The following CSMD1 variants were observed in gnomAD, a reference collection of about 807,000 sequenced individuals.
The protein encoded by CSMD1 is CUB and sushi domain-containing protein 1.
A neutral mutation model predicts 417.5 loss-of-function variants in CSMD1; 213 were observed. That is an observed-to-expected ratio of 0.51 (90% CI 0.46 to 0.57). The LOEUF (loss-of-function observed/expected upper bound fraction) is 0.57, where lower values mean the gene tolerates loss of function less well. Ranked by LOEUF, CSMD1 falls within the 20% of genes least tolerant of loss-of-function variation. The pLI is 0.00. For missense variants in CSMD1, 6,923 were observed against 4,529.7 expected (o/e 1.53, Z -15.17); for synonymous variants, 2,862 against 1,736.8 (o/e 1.65, Z -16.11).
chr8:3,649,274 A>T (rs1439490687), intron 7 of CSMD1, among the ~76,000 whole-genome samples: 1 of 152,246 alleles, frequency 6.6e-6, no homozygotes, highest in Non-Finnish European at 1.5e-5. Context: ...ACTTAATATT[A>T]CTATGTGAGA....
intron 25 of CSMD1, among the ~76,000 whole-genome samples, chr8:3,297,763 C>CA (rs1804079770): frequency 1.3e-5 from 2 of 151,928 alleles, no homozygotes; most frequent in South Asian, 4.1e-4. Context: ...AATCTGGACA[C>CA]AAAATCACTA....
intron 23 of CSMD1, among the ~76,000 whole-genome samples, chr8:3,337,053 G>C (rs571698500): frequency 6.6e-6 from 1 of 152,060 alleles, no homozygotes. Context: ...GCTGGAGCTG[G>C]GGTTGGCCAG....
rs764637287 is a variant in CSMD1 at position 3,288,283 on chromosome 8, G to A, written c.3951-3937C>T. On this transcript the variant is annotated intron_variant, in intron 25 of 69. Coordinates refer to ENST00000635120, the MANE Select transcript of CSMD1 (RefSeq NM_033225.6). ...AGTTCTCTTTTTTTGTTCTTTTTCT[G>A]CCAGGCTTTGGTATGAGGATGATGT... Among the ~76,000 whole-genome samples the A allele has an allele frequency of 4.2e-4, 61 of 146,988 alleles. 3 individuals carry two copies. The highest frequency in any genetic ancestry group is 2.2e-3 in the East Asian group (11 of 5,098).
At chr8:3,916,482 G>C (rs992964122) in intron 5 of CSMD1, among the ~76,000 whole-genome samples, 1 of 152,136 alleles carries the variant, frequency 6.6e-6, no homozygotes, top group Admixed American at 6.6e-5. Context: ...TTGTTAGCTT[G>C]AAATTTCTGA....
intron 9 of CSMD1, among the ~76,000 whole-genome samples, chr8:3,583,934 C>G (rs778103786): frequency 6.6e-6 from 1 of 151,320 alleles, no homozygotes; most frequent in Non-Finnish European, 1.5e-5. Context: ...CAGCAGGAGT[C>G]CAAGATGGAG....
chr8:4,073,788 G>T (rs1015286904), intron 3 of CSMD1, among the ~76,000 whole-genome samples: 3 of 151,886 alleles, frequency 2.0e-5, no homozygotes, highest in Admixed American at 1.3e-4. Context: ...ACAAAATTTT[G>T]CTAAATTATT....
intron 2 of CSMD1, among the ~76,000 whole-genome samples, chr8:4,484,457 A>C (rs1369289352): frequency 1.3e-5 from 2 of 152,114 alleles, no homozygotes; most frequent in African/African-American, 4.8e-5. Context: ...TATTTCAGTC[A>C]GTACTTGGGC....
chr8:4,294,590 C>G (rs185593752), intron 3 of CSMD1, among the ~76,000 whole-genome samples: 12 of 152,196 alleles, frequency 7.9e-5, no homozygotes, highest in African/African-American at 2.2e-4. Flanking sequence ...AAACCAGAAA[C>G]CAGGTCTAAG....
intron 4 of CSMD1, among the ~76,000 whole-genome samples, chr8:4,015,704 C>G (rs887228180): frequency 6.7e-6 from 1 of 149,986 alleles, no homozygotes; most frequent in Admixed American, 6.6e-5. Context: ...CTGCTACATC[C>G]CATTTTATCT....
At chr8:4,553,537 G>C (rs1419199162) in intron 2 of CSMD1, among the ~76,000 whole-genome samples, 8 of 150,280 alleles carry the variant, frequency 5.3e-5, no homozygotes. Context: ...TTCTTTATGT[G>C]ATTTTTTTAG....
intron 1 of CSMD1, among the ~76,000 whole-genome samples, chr8:4,954,201 G>T (rs1273745325): frequency 6.6e-6 from 1 of 152,136 alleles, no homozygotes; most frequent in Non-Finnish European, 1.5e-5. Context: ...CACATTATGT[G>T]TTCCCTAACC....
intron 3 of CSMD1, among the ~76,000 whole-genome samples, chr8:4,228,802 G>T (rs1585059419): frequency 6.6e-6 from 1 of 151,922 alleles, no homozygotes; most frequent in Non-Finnish European, 1.5e-5. Flanking sequence ...TCCTGCTTCT[G>T]CATCCCAAGT....
chr8:4,750,043 G>T (rs1811201250), intron 1 of CSMD1, among the ~76,000 whole-genome samples: 1 of 151,174 alleles, frequency 6.6e-6, no homozygotes, highest in Non-Finnish European at 1.5e-5. Flanking sequence ...GTCTCGCTCT[G>T]TCGCCCAGGC....
intron 3 of CSMD1, among the ~76,000 whole-genome samples, chr8:4,087,230 G>T (rs1202240385): frequency 7.9e-5 from 12 of 152,138 alleles, no homozygotes; most frequent in Non-Finnish European, 4.4e-5. Flanking sequence ...CCCAAGGAAC[G>T]GCTAAGTCCA....
chr8:4,164,402 G>C (rs889396822), intron 3 of CSMD1, among the ~76,000 whole-genome samples: 1 of 152,258 alleles, frequency 6.6e-6, no homozygotes, highest in East Asian at 1.9e-4. Context: ...ATTCAGGTAA[G>C]TGATGCTAAT....
At chr8:4,447,693 G>C (rs985338653) in intron 2 of CSMD1, among the ~76,000 whole-genome samples, 4 of 152,124 alleles carry the variant, frequency 2.6e-5, no homozygotes, top group African/African-American at 7.2e-5. Flanking sequence ...TCTTGTTTTA[G>C]AAAGTGCACT....
intron 3 of CSMD1, among the ~76,000 whole-genome samples, chr8:4,247,636 A>T (rs2128828166): frequency 6.6e-6 from 1 of 152,322 alleles, no homozygotes; most frequent in Admixed American, 6.5e-5. Context: ...GTAGATTTCA[A>T]GTAAGTTATC....
At chr8:3,810,544 G>T (rs1801008762) in intron 5 of CSMD1, among the ~76,000 whole-genome samples, 1 of 152,140 alleles carries the variant, frequency 6.6e-6, no homozygotes, top group South Asian at 2.1e-4. Context: ...GGTGTGGTCT[G>T]TAATCAACCG....
chr8:3,824,119 C>G (rs559327250), intron 5 of CSMD1, among the ~76,000 whole-genome samples: 1 of 151,930 alleles, frequency 6.6e-6, no homozygotes, highest in Non-Finnish European at 1.5e-5. Context: ...CATGCTATGT[C>G]GGAAGAAATA....
Sources: allele counts gnomAD v4.1 joint callset (sites outside exome capture counted in the v4.1 genomes callset), GRCh38; gene constraint gnomAD v4.1.1; transcripts MANE v1.5; gene names NCBI Gene and HGNC (gene_info 2026-07-23, HGNC 2026-07-21).